Variants in RPS6KA3 observed in about 807,000 individuals in gnomAD.
RPS6KA3 encodes the protein ribosomal protein S6 kinase A3.
In RPS6KA3, 4 loss-of-function variants were observed where a neutral mutation model predicts 67.2. The observed-to-expected ratio is 0.06, with a 90% CI of 0.03 to 0.14. RPS6KA3 has a LOEUF of 0.14. RPS6KA3 is among the 10% of genes least tolerant of loss of function. RPS6KA3 has a pLI of 1.00. For synonymous variants in RPS6KA3, 182 were observed against 183.7 expected, an observed-to-expected ratio of 0.99 and a Z score of 0.07; for missense variants, 204 against 559.0, an observed-to-expected ratio of 0.36 and a Z score of 6.40.
chrX:20,228,934 C>T (rs1283652327), intron 2 of RPS6KA3, among the ~76,000 whole-genome samples: 1 of 111,657 alleles, frequency 9.0e-6, no homozygotes, highest in Non-Finnish European at 1.9e-5. Context: ...TTTATTTTGC[C>T]ATTTTTAAAG....
chrX:20,168,877 G>A (rs1461047686), intron 16 of RPS6KA3, among the ~76,000 whole-genome samples: 5 of 111,648 alleles, frequency 4.5e-5, no homozygotes, highest in Admixed American at 9.5e-5. Flanking sequence ...TTTTGAGACA[G>A]GGTCTTGCTC....
chrX:20,223,250 C>T (rs2069027705), intron 2 of RPS6KA3, among the ~76,000 whole-genome samples: 1 of 111,504 alleles, frequency 9.0e-6, no homozygotes, highest in Non-Finnish European at 1.9e-5. Context: ...TATGCTAACT[C>T]ATTTTCGGGA....
chrX:20,261,551 A>C (rs1362544827), intron 1 of RPS6KA3, among the ~76,000 whole-genome samples: 1 of 112,472 alleles, frequency 8.9e-6, no homozygotes, highest in African/African-American at 3.2e-5. Flanking sequence ...TTGGCTTTTA[A>C]ATTGTACAAC....
chrX:20,188,230 T>A (rs773772732), intron 8 of RPS6KA3, among the ~76,000 whole-genome samples: 1 of 110,475 alleles, frequency 9.1e-6, no homozygotes, highest in Non-Finnish European at 1.9e-5. Context: ...TGCACCACCA[T>A]GCCCAGCTCA....
intron 2 of RPS6KA3, among the ~76,000 whole-genome samples, chrX:20,225,251 TTTTG>T (rs1215098140): frequency 1.1e-5 from 1 of 94,641 alleles, no homozygotes; most frequent in Non-Finnish European, 2.2e-5. Flanking sequence ...TTGTTTTTTT[TTTTG>T]TTTTTTTTTT....
intron 1 of RPS6KA3, among the ~76,000 whole-genome samples, chrX:20,252,960 CTTG>C (rs1171541528): frequency 9.0e-6 from 1 of 110,920 alleles, no homozygotes; most frequent in African/African-American, 3.3e-5. Context: ...CTCACGTCAC[CTTG>C]TTAAGTGTCA....
chrX:20,244,298 G>A (rs990286649), intron 1 of RPS6KA3, among the ~76,000 whole-genome samples: 4 of 111,592 alleles, frequency 3.6e-5, no homozygotes, highest in Admixed American at 1.9e-4. Context: ...GAAAGTGCTA[G>A]GATTACAGGC....
At chrX:20,171,625 G>A (rs1469575082) in intron 15 of RPS6KA3, among the ~76,000 whole-genome samples, 1 of 111,477 alleles carries the variant, frequency 9.0e-6, no homozygotes, top group Non-Finnish European at 1.9e-5. Flanking sequence ...AATCATTTAA[G>A]TTACAAAAAT....
chrX:20,159,080 G>A (rs2067249994), intron 20 of RPS6KA3, among the ~76,000 whole-genome samples: 1 of 112,049 alleles, frequency 8.9e-6, no homozygotes, highest in Non-Finnish European at 1.9e-5. Context: ...AGGTAGAAAT[G>A]GGGACTACAT....
chrX:20,191,689 C>A (rs376962884), intron 7 of RPS6KA3, among the ~76,000 whole-genome samples: 1 of 112,091 alleles, frequency 8.9e-6, no homozygotes, highest in South Asian at 3.7e-4. Flanking sequence ...AGTGTCTGTT[C>A]ATATCCGAGA....
chrX:20,203,548 C>T (rs1423274624), intron 4 of RPS6KA3: 2 of 114,750 alleles, frequency 1.7e-5, no homozygotes, highest in Non-Finnish European at 3.6e-5. Context: ...CAGGTGTGAG[C>T]CACCACGCCC....
At chrX:20,196,282 C>T (rs2068269931) in intron 4 of RPS6KA3, among the ~76,000 whole-genome samples, 1 of 113,123 alleles carries the variant, frequency 8.8e-6, no homozygotes, top group African/African-American at 3.2e-5. Context: ...GTTGGAATGC[C>T]AAGATGAATT....
chrX:20,215,738 C>T (rs1232134106), intron 2 of RPS6KA3, among the ~76,000 whole-genome samples: 1 of 111,658 alleles, frequency 9.0e-6, no homozygotes, highest in Non-Finnish European at 1.9e-5. Flanking sequence ...CAACAATGTA[C>T]TTTTCTAGCT....
intron 4 of RPS6KA3, among the ~76,000 whole-genome samples, chrX:20,201,976 C>CTTTT (rs1282039865): frequency 4.8e-5 from 4 of 82,722 alleles, no homozygotes; most frequent in Admixed American, 2.7e-4. Context: ...TTTCTTTTTT[C>CTTTT]TTTTTTTTTT....
At chrX:20,166,948 C>A (rs753400146) in intron 17 of RPS6KA3, among the ~76,000 whole-genome samples, 1 of 110,634 alleles carries the variant, frequency 9.0e-6, no homozygotes, top group African/African-American at 3.3e-5. Context: ...AAACTCCTGA[C>A]CTCAGGTGAT....
rs748488989 is a variant in RPS6KA3, at chrX:20,150,618, C to T, written c.*4780G>A. The T allele has an allele frequency of 3.9e-4, 44 of 112,384 alleles. No homozygotes were observed. The highest frequency in any genetic ancestry group is 1.3e-3 in the African/African-American group (40 of 30,952). The allele number at this position is 112,384 out of a possible 1,213,427, so 9.3% of individuals were successfully genotyped here. A position where few individuals can be genotyped will look rare whatever the true frequency, so the allele number is the denominator to read the frequency against. ...GTACGTGAAAGTTCTATTTTAAATACTTGTTTGAAAAACTCATTATACAGT... is the reference window on the plus strand; with the variant it reads ...GTACGTGAAAGTTCTATTTTAAATATTTGTTTGAAAAACTCATTATACAGT... On this transcript the variant is annotated 3_prime_UTR_variant, in exon 22 of 22. Transcript: ENST00000379565.
At chrX:20,265,313 G>A (rs1221445917) in intron 1 of RPS6KA3, among the ~76,000 whole-genome samples, 1 of 111,766 alleles carries the variant, frequency 8.9e-6, no homozygotes, top group Non-Finnish European at 1.9e-5. Context: ...ACCGGAGAAT[G>A]CAAGTGTCCC....
chrX:20,190,401 T>A (rs929880051), intron 7 of RPS6KA3, among the ~76,000 whole-genome samples: 13 of 112,075 alleles, frequency 1.2e-4, no homozygotes, highest in Non-Finnish European at 1.9e-4. Flanking sequence ...TATTTCTAAT[T>A]AATAGCATCA....
At chrX:20,238,608 C>T (rs2069475360) in intron 1 of RPS6KA3, among the ~76,000 whole-genome samples, 1 of 110,563 alleles carries the variant, frequency 9.0e-6, no homozygotes, top group Admixed American at 9.8e-5. Context: ...TATATACTAA[C>T]AAAGCAACCT....
Sources: allele counts gnomAD v4.1 joint callset (sites outside exome capture counted in the v4.1 genomes callset), GRCh38; gene constraint gnomAD v4.1.1; transcripts MANE v1.5; gene names NCBI Gene and HGNC (gene_info 2026-07-23, HGNC 2026-07-21).